Variants in SYN3 observed in about 807,000 individuals in gnomAD.
SYN3 encodes synapsin-3.
SYN3 carries 35 observed loss-of-function variants against 65.8 expected under a neutral mutation model. The observed-to-expected ratio is 0.53, with a 90% CI of 0.41 to 0.70. SYN3 has a LOEUF of 0.70. SYN3 is among the 30% of genes least tolerant of loss of function. The pLI is 0.00. For synonymous variants in SYN3, 270 were observed against 292.9 expected, an observed-to-expected ratio of 0.92 and a Z score of 0.80; for missense variants, 680 against 749.0, an observed-to-expected ratio of 0.91 and a Z score of 1.08.
intron 7 of SYN3, among the ~76,000 whole-genome samples, chr22:32,572,779 A>T (rs1391172152): frequency 6.6e-6 from 1 of 152,128 alleles, no homozygotes; most frequent in African/African-American, 2.4e-5. Context: ...CACCAGCCCC[A>T]GGACTTCAGC....
chr22:32,609,758 C>T (rs1438645099), intron 6 of SYN3, among the ~76,000 whole-genome samples: 4 of 152,040 alleles, frequency 2.6e-5, no homozygotes, highest in Non-Finnish European at 4.4e-5. Context: ...TCTCAAAGTA[C>T]TGGGATTACA....
chr22:32,713,586 T>G (rs2060994380), intron 6 of SYN3, among the ~76,000 whole-genome samples: 1 of 152,080 alleles, frequency 6.6e-6, no homozygotes, highest in African/African-American at 2.4e-5. Flanking sequence ...ATCCCAGCAC[T>G]TTGGGAGGCC....
At chr22:32,921,437 C>A (rs2146638488) in intron 4 of SYN3, among the ~76,000 whole-genome samples, 1 of 152,340 alleles carries the variant, frequency 6.6e-6, no homozygotes, top group South Asian at 2.1e-4. Flanking sequence ...ACTCTGCACC[C>A]TGGAGAAATC....
intron 6 of SYN3, chr22:32,861,995 A>G (rs2048554051): frequency 1.3e-5 from 2 of 152,656 alleles, no homozygotes; most frequent in African/African-American, 4.8e-5. Context: ...AAATACTTCT[A>G]GGCAAGCAGC....
At chr22:32,621,243 G>T (rs1300526353) in intron 6 of SYN3, among the ~76,000 whole-genome samples, 1 of 151,920 alleles carries the variant, frequency 6.6e-6, no homozygotes, top group East Asian at 1.9e-4. Flanking sequence ...AGGAGGGTCA[G>T]GCAGGCTAGA....
intron 6 of SYN3, among the ~76,000 whole-genome samples, chr22:32,824,531 G>T (rs1280890437): frequency 6.6e-6 from 1 of 151,896 alleles, no homozygotes; most frequent in Non-Finnish European, 1.5e-5. Context: ...GGGAGGAATT[G>T]CCCTTTTAAA....
At chr22:32,722,541 G>T (rs944659259) in intron 6 of SYN3, among the ~76,000 whole-genome samples, 3 of 152,232 alleles carry the variant, frequency 2.0e-5, no homozygotes, top group Non-Finnish European at 4.4e-5. Flanking sequence ...TGTTTGGGTG[G>T]ATTAAATTGG....
chr22:32,638,188 G>A (rs191195931), intron 6 of SYN3, among the ~76,000 whole-genome samples: 73 of 152,134 alleles, frequency 4.8e-4, no homozygotes, highest in African/African-American at 1.4e-3. Flanking sequence ...TGGTGTGTGC[G>A]AACCACATTT....
chr22:33,016,514 C>T (rs1032543167), intron 1 of SYN3, among the ~76,000 whole-genome samples: 1 of 152,092 alleles, frequency 6.6e-6, no homozygotes, highest in Admixed American at 6.5e-5. Context: ...ATTTACATTC[C>T]CACTCATGGT....
intron 6 of SYN3, among the ~76,000 whole-genome samples, chr22:32,679,766 G>C (rs1388659111): frequency 1.5e-5 from 2 of 136,636 alleles, no homozygotes; most frequent in African/African-American, 5.4e-5. Context: ...TTAGCCATTT[G>C]TATGTCTTCT....
At chr22:33,045,760 T>A (rs937223139) in intron 1 of SYN3, among the ~76,000 whole-genome samples, 2 of 152,164 alleles carry the variant, frequency 1.3e-5, no homozygotes, top group Middle Eastern at 3.4e-3. Context: ...AATTCTTTTT[T>A]AACCACTTCT....
chr22:32,930,043 A>G (rs2050583222), intron 4 of SYN3, among the ~76,000 whole-genome samples: 3 of 152,148 alleles, frequency 2.0e-5, no homozygotes, highest in Non-Finnish European at 4.4e-5. Context: ...GCCCACCGTT[A>G]CTGGAAATAG....
At chr22:32,760,329 A>G (rs1042266770) in intron 6 of SYN3, among the ~76,000 whole-genome samples, 5 of 151,408 alleles carry the variant, frequency 3.3e-5, no homozygotes, top group African/African-American at 1.2e-4. Flanking sequence ...GAAGGAGAGG[A>G]GAAGCAAACA....
chr22:33,026,185 C>T (rs548433278), intron 1 of SYN3, among the ~76,000 whole-genome samples: 4 of 152,288 alleles, frequency 2.6e-5, no homozygotes, highest in African/African-American at 9.6e-5. Context: ...TTGTTTATTA[C>T]AGTAACTCTT....
chr22:33,035,342 C>T (rs868670902), intron 1 of SYN3, among the ~76,000 whole-genome samples: 9 of 109,096 alleles, frequency 8.2e-5, no homozygotes, highest in African/African-American at 2.4e-4. Context: ...CCCCCCCCCC[C>T]CCGCCACCAA....
At chr22:32,664,164 C>A (rs916646658) in intron 6 of SYN3, among the ~76,000 whole-genome samples, 4 of 152,180 alleles carry the variant, frequency 2.6e-5, no homozygotes, top group African/African-American at 7.2e-5. Flanking sequence ...GGTGCCCATG[C>A]CATCTGACTC....
intron 3 of SYN3, among the ~76,000 whole-genome samples, chr22:32,949,689 G>T (rs935993434): frequency 6.6e-6 from 1 of 152,094 alleles, no homozygotes; most frequent in African/African-American, 2.4e-5. Context: ...AAAGCACGGG[G>T]TATTCATGTC....
At chr22:32,817,840 T>C (rs538213142) in intron 6 of SYN3, among the ~76,000 whole-genome samples, 1 of 152,322 alleles carries the variant, frequency 6.6e-6, no homozygotes, top group African/African-American at 2.4e-5. Context: ...GAGCAGGTAA[T>C]GAACAGTAGG....
chr22:32,874,738 A>G (rs1179337831), intron 4 of SYN3, among the ~76,000 whole-genome samples: 2 of 152,170 alleles, frequency 1.3e-5, no homozygotes, highest in Non-Finnish European at 2.9e-5. Context: ...GACCCATCAC[A>G]CCCAGAGCTG....
Sources: allele counts gnomAD v4.1 joint callset (sites outside exome capture counted in the v4.1 genomes callset), GRCh38; gene constraint gnomAD v4.1.1; transcripts MANE v1.5; gene names NCBI Gene and HGNC (gene_info 2026-07-23, HGNC 2026-07-21).